The following ADAMTS12 variants were observed in gnomAD, a reference collection of about 807,000 sequenced individuals.
The protein encoded by ADAMTS12 is A disintegrin and metalloproteinase with thrombospondin motifs 12.
A neutral mutation model predicts 167.8 loss-of-function variants in ADAMTS12; 118 were observed. The observed-to-expected ratio is 0.70, with a 90% CI of 0.61 to 0.82. The LOEUF is 0.82. Among genes scored for constraint, ADAMTS12 ranks in the 40% least tolerant of loss-of-function variants. ADAMTS12 has a pLI of 0.00. For synonymous variants in ADAMTS12, 704 were observed against 716.9 expected, an observed-to-expected ratio of 0.98 and a Z score of 0.29; for missense variants, 1,916 against 1,998.8, an observed-to-expected ratio of 0.96 and a Z score of 0.79.
intron 2 of ADAMTS12, among the ~76,000 whole-genome samples, chr5:33,858,515 AG>A (rs1268815281): frequency 6.6e-6 from 1 of 152,114 alleles, no homozygotes; most frequent in African/African-American, 2.4e-5. Flanking sequence ...AAAATTAGCC[AG>A]GTGTGGTGTT....
intron 1 of ADAMTS12, among the ~76,000 whole-genome samples, chr5:33,886,886 A>G (rs1359581996): frequency 6.6e-6 from 1 of 152,176 alleles, no homozygotes; most frequent in Non-Finnish European, 1.5e-5. Context: ...GTGAGGCTCC[A>G]ATGTATTAAT....
Position 33,524,840 on chromosome 5 carries a change from T to G in ADAMTS12, c.*2348A>C, listed in dbSNP as rs1743740447. 1 of 152,268 alleles carries G rather than the reference T, an allele frequency of 6.6e-6. No homozygotes were observed. The highest frequency in any genetic ancestry group is 2.4e-5 in the African/African-American group (1 of 41,458). The allele number at this position is 152,268 out of a possible 1,614,324, so 9.4% of individuals were successfully genotyped here. On this transcript the variant is annotated 3_prime_UTR_variant, in exon 24 of 24. Coordinates refer to ENST00000504830, the MANE Select transcript of ADAMTS12 (RefSeq NM_030955.4). ...TAATTAGGAGCCAATGTTCTGCCTT[T>G]GAGAAACTGGAAAAAGACCTAGAAT...
At chr5:33,688,550 A>G (rs899339656) in intron 3 of ADAMTS12, among the ~76,000 whole-genome samples, 30 of 152,182 alleles carry the variant, frequency 2.0e-4, no homozygotes, top group African/African-American at 7.0e-4. Flanking sequence ...GATTTTGCAG[A>G]TGGCAGAGCC....
At chr5:33,698,234 T>C (rs1173767954) in intron 3 of ADAMTS12, among the ~76,000 whole-genome samples, 1 of 152,214 alleles carries the variant, frequency 6.6e-6, no homozygotes, top group Non-Finnish European at 1.5e-5. Flanking sequence ...TATAATGATG[T>C]TACATTTTGC....
intron 2 of ADAMTS12, among the ~76,000 whole-genome samples, chr5:33,842,316 T>C (rs2111601500): frequency 6.6e-6 from 1 of 152,342 alleles, no homozygotes; most frequent in South Asian, 2.1e-4. Flanking sequence ...TCATTCTTCC[T>C]TTCTAATTTT....
At chr5:33,614,119 T>A (rs998409527) in intron 16 of ADAMTS12, 119 bp downstream of exon 16, 68 of 1,381,734 alleles carry the variant, frequency 4.9e-5, no homozygotes, top group Admixed American at 7.0e-5. Context: ...CCCCTGGCCA[T>A]CTCAGTGGAG....
chr5:33,848,906 CAT>C (rs1398307012), intron 2 of ADAMTS12, among the ~76,000 whole-genome samples: 7 of 151,764 alleles, frequency 4.6e-5, no homozygotes, highest in South Asian at 2.1e-4. Flanking sequence ...TATACACACA[CAT>C]GATATATATA....
At chr5:33,887,293 T>C (rs1750669656) in intron 1 of ADAMTS12, among the ~76,000 whole-genome samples, 1 of 152,158 alleles carries the variant, frequency 6.6e-6, no homozygotes, top group African/African-American at 2.4e-5. Context: ...ATCCCTCATC[T>C]GGGACTATAC....
At chr5:33,739,659 AC>A (rs369509861) in intron 3 of ADAMTS12, among the ~76,000 whole-genome samples, 2 of 151,950 alleles carry the variant, frequency 1.3e-5, no homozygotes, top group African/African-American at 4.8e-5. Context: ...CAATGTTCTG[AC>A]CCGTGATGAT....
intron 2 of ADAMTS12, among the ~76,000 whole-genome samples, chr5:33,795,039 G>T (rs1027294726): frequency 1.3e-5 from 2 of 152,196 alleles, no homozygotes; most frequent in South Asian, 4.1e-4. Context: ...ATTTCAAGCA[G>T]CTGGTCACAA....
intron 2 of ADAMTS12, among the ~76,000 whole-genome samples, chr5:33,813,537 T>G (rs564167492): frequency 6.6e-6 from 1 of 152,324 alleles, no homozygotes; most frequent in East Asian, 1.9e-4. Flanking sequence ...ACTACTTTGA[T>G]CAGTAGAATA....
intron 22 of ADAMTS12, among the ~76,000 whole-genome samples, chr5:33,539,808 A>T (rs1304243457): frequency 6.6e-6 from 1 of 152,056 alleles, no homozygotes; most frequent in Non-Finnish European, 1.5e-5. Flanking sequence ...CCATTTTTTT[A>T]AAAAGCTAAA....
At chr5:33,648,988 TGA>T (rs766018657) in intron 8 of ADAMTS12, 22 bp from the exon 9 acceptor site, 226 of 1,611,620 alleles carry the variant, frequency 1.4e-4, no homozygotes, top group Non-Finnish European at 1.8e-4. Flanking sequence ...TTAACAGAAA[TGA>T]GAGGAGTTGT....
At chr5:33,676,683 TACAC>T (rs141431526) in intron 5 of ADAMTS12, among the ~76,000 whole-genome samples, 5 of 136,466 alleles carry the variant, frequency 3.7e-5, no homozygotes, top group East Asian at 2.2e-4. Flanking sequence ...CTGTCTATCT[TACAC>T]ACACACACAC....
rs1435776199 is a variant in ADAMTS12, at chr5:33,524,612, A to T, written c.*2576T>A. ...TCCTGTCTTCAGAGTCTTCCTGTTGATCTGAGTCCCCTCTTGTACAGCAAG... is the reference window on the plus strand; with the variant it reads ...TCCTGTCTTCAGAGTCTTCCTGTTGTTCTGAGTCCCCTCTTGTACAGCAAG... On this transcript the variant is annotated 3_prime_UTR_variant, in exon 24 of 24. Transcript: ENST00000504830. 6.6e-6 allele frequency: 1 copy of T among 152,314 alleles called. No homozygotes were observed. The highest frequency in any genetic ancestry group is 1.5e-5 in the Non-Finnish European group (1 of 68,046). 9.4% of individuals were successfully genotyped at this position (152,314 alleles called of 1,614,324 possible).
At chr5:33,535,946 G>C (rs1038636069) in intron 22 of ADAMTS12, among the ~76,000 whole-genome samples, 2 of 152,088 alleles carry the variant, frequency 1.3e-5, no homozygotes, top group Non-Finnish European at 2.9e-5. Flanking sequence ...GTCCTCTCAA[G>C]CCATTCTAAT....
intron 2 of ADAMTS12, 169 bp downstream of exon 2, chr5:33,880,948 CTT>C (rs1340288842): frequency 1.1e-5 from 11 of 960,990 alleles, no homozygotes. Context: ...AAGTCGATCT[CTT>C]TTATTTATTA....
intron 2 of ADAMTS12, among the ~76,000 whole-genome samples, chr5:33,770,537 T>G (rs1268367948): frequency 6.6e-6 from 1 of 152,108 alleles, no homozygotes; most frequent in African/African-American, 2.4e-5. Flanking sequence ...TAAAAATGTT[T>G]TTCACATTCA....
intron 19 of ADAMTS12, among the ~76,000 whole-genome samples, chr5:33,562,024 T>G (rs1579668869): frequency 6.6e-6 from 1 of 151,916 alleles, no homozygotes; most frequent in Non-Finnish European, 1.5e-5. Flanking sequence ...GCCCAAAGGG[T>G]TTTCTGTCTC....
Sources: gnomAD v4.1 joint callset for allele counts (sites outside exome capture counted in the v4.1 genomes callset) on GRCh38, gnomAD v4.1.1 for gene constraint, MANE v1.5 for transcripts, NCBI Gene and HGNC (gene_info 2026-07-23, HGNC 2026-07-21) for gene names.